STAT5B: variants seen among roughly 807,000 people sequenced by gnomAD.
The protein encoded by STAT5B is signal transducer and activator of transcription 5B.
STAT5B carries 21 observed loss-of-function variants against 107.8 expected under a neutral mutation model. The observed-to-expected ratio is 0.19, with a 90% CI of 0.14 to 0.28. STAT5B has a LOEUF of 0.28. Ranked by LOEUF, STAT5B falls within the 10% of genes least tolerant of loss-of-function variation. The pLI is 1.00. For missense variants in STAT5B, 565 were observed against 1,008.2 expected, an observed-to-expected ratio of 0.56 and a Z score of 5.95; for synonymous variants, 325 against 401.7, an observed-to-expected ratio of 0.81 and a Z score of 2.28.
At chr17:42,202,510 G>A (rs1242758308) in intron 17 of STAT5B, 63 bp from the exon 18 acceptor site, 9 of 1,562,550 alleles carry the variant, frequency 5.8e-6, no homozygotes, top group Non-Finnish European at 7.9e-6. Context: ...ACTTGGGGAG[G>A]GGACCAAGGG....
In STAT5B at chr17:42,217,210, A is replaced by C; in HGVS notation, c.1330T>G (p.Phe444Val). The C allele has an allele frequency of 6.2e-7, 1 of 1,614,202 alleles. No individual in the cohort carries two copies. Among genetic ancestry groups the C allele is most frequent in the Non-Finnish European group, 8.5e-7 (1 of 1,180,030 alleles). Residue 444 changes from phenylalanine (F) to valine (V), a missense_variant, in exon 11 of 19, where the codon TTT (phenylalanine) becomes GTT (valine). Physicochemically the swap from Phe to Val is conservative, Grantham distance 50. Coordinates refer to ENST00000293328, the MANE Select transcript of STAT5B (RefSeq NM_012448.4). ...SVTEEKFTILFESQFSVGGNE... is the reference protein window; with the variant it reads ...SVTEEKFTILVESQFSVGGNE... ...CCACCAACACTGAACTGGGATTCAAACAGGATTGTAAATTTTTCTTCTGTC... is the reference window on the plus strand; with the variant it reads ...CCACCAACACTGAACTGGGATTCAACCAGGATTGTAAATTTTTCTTCTGTC...
At chr17:42,259,866 GTTTTAT>G (rs1489207815) in intron 1 of STAT5B, among the ~76,000 whole-genome samples, 1 of 152,044 alleles carries the variant, frequency 6.6e-6, no homozygotes, top group Non-Finnish European at 1.5e-5. Context: ...TATTTGTTTT[GTTTTAT>G]TTTAAGTTCC....
intron 1 of STAT5B, among the ~76,000 whole-genome samples, chr17:42,260,320 T>C (rs1204814293): frequency 6.6e-6 from 1 of 152,172 alleles, no homozygotes; most frequent in Admixed American, 6.6e-5. Context: ...AATTGAGAGA[T>C]TTTATAACTG....
At chr17:42,266,463 GTAA>G (rs1229766656) in intron 1 of STAT5B, among the ~76,000 whole-genome samples, 1 of 151,132 alleles carries the variant, frequency 6.6e-6, no homozygotes. Context: ...TGTGTCTAAA[GTAA>G]TACGTTTTCT....
At chr17:42,212,864 C>A (rs977412654) in intron 12 of STAT5B, among the ~76,000 whole-genome samples, 2 of 152,240 alleles carry the variant, frequency 1.3e-5, no homozygotes, top group Non-Finnish European at 2.9e-5. Flanking sequence ...AAGTCACTCC[C>A]TATCCCTGTC....
chr17:42,270,365 C>G (rs1249673046), intron 1 of STAT5B, among the ~76,000 whole-genome samples: 4 of 152,134 alleles, frequency 2.6e-5, no homozygotes, highest in Non-Finnish European at 5.9e-5. Flanking sequence ...TTGTTGAGTT[C>G]TCAGTACAGA....
upstream of STAT5B, among the ~76,000 whole-genome samples, chr17:42,278,561 G>T (rs573198911): frequency 6.6e-6 from 1 of 152,012 alleles, no homozygotes; most frequent in Non-Finnish European, 1.5e-5. Context: ...ACAGAAAAAG[G>T]TCTCATGGTG....
In STAT5B at chr17:42,201,809, C is replaced by T. The variant is rs780699949; in HGVS notation, c.2293G>A (p.Val765Ile). Residue 765 changes from valine to isoleucine, a missense_variant, in exon 19 of 19, where the codon GTA becomes ATA. Coordinates refer to ENST00000293328, the MANE Select transcript of STAT5B (RefSeq NM_012448.4). ...AGGAGCTCCTCCACACGCCGCGCTA[C>T]GTCCATTGTGTCCTCCAGATCGAAG... The part of the protein sequence containing the change: ...GDFDLEDTMD[V>I]ARRVEELLGR... 7.4e-6 allele frequency: 12 copies of T among 1,614,100 alleles called. No homozygotes were observed. Among genetic ancestry groups the T allele is most frequent in the African/African-American group, 1.3e-5 (1 of 75,032 alleles).
rs748357500 is a variant in STAT5B at position 42,215,998 on chromosome 17, C to G, written c.1473+16G>C. 2.5e-6 allele frequency: 4 copies of G among 1,613,190 alleles called. No individual in the cohort carries two copies. In the East Asian group the frequency reaches 6.7e-5, roughly 27 times the overall value. ...GCATTGATTTTGGGACCCACATGCC[C>G]GAGGAATACACTCACAGGCTCTGCA... On this transcript the variant is annotated intron_variant, in intron 12 of 18. Transcript: ENST00000293328.
intron 1 of STAT5B, among the ~76,000 whole-genome samples, chr17:42,264,087 G>T (rs2080644988): frequency 6.6e-6 from 1 of 151,932 alleles, no homozygotes; most frequent in Non-Finnish European, 1.5e-5. Flanking sequence ...TATTCTATTG[G>T]ACAGCTATAC....
chr17:42,230,419 G>T (rs2080308232), intron 2 of STAT5B, among the ~76,000 whole-genome samples: 1 of 152,116 alleles, frequency 6.6e-6, no homozygotes, highest in South Asian at 2.1e-4. Context: ...TAACCAACCA[G>T]CAACCTCCCA....
At chr17:42,220,393 G>C (rs2080214780) in intron 5 of STAT5B, among the ~76,000 whole-genome samples, 1 of 152,142 alleles carries the variant, frequency 6.6e-6, no homozygotes, top group Non-Finnish European at 1.5e-5. Context: ...TTGGTTAACG[G>C]GGAACAGGAC....
At position 42,200,323 on chromosome 17, in the gene STAT5B, GAC is replaced by G. The variant is rs2080034000; in HGVS notation, c.*1413_*1414del. The G allele has an allele frequency of 2.0e-5, 3 of 152,748 alleles. No homozygotes were observed. The South Asian group carries it at 6.2e-4, about 32-fold the overall frequency. 9.5% of individuals were successfully genotyped at this position (152,748 alleles called of 1,614,324 possible). Reference sequence around the variant, plus strand: ...TCTTTTGGAGAGGGGGCCGAGGGGTGACCTTTTAGGCCTTACCCGTAAGCTAT... The same window carrying G: ...TCTTTTGGAGAGGGGGCCGAGGGGTGCTTTTAGGCCTTACCCGTAAGCTAT... On this transcript the variant is annotated 3_prime_UTR_variant, in exon 19 of 19. Transcript: ENST00000293328.
intron 1 of STAT5B, among the ~76,000 whole-genome samples, chr17:42,258,422 T>C (rs1371550646): frequency 6.6e-6 from 1 of 152,228 alleles, no homozygotes; most frequent in Non-Finnish European, 1.5e-5. Flanking sequence ...CTTATGCCTG[T>C]AATCCCAGCA....
intron 12 of STAT5B, among the ~76,000 whole-genome samples, chr17:42,214,980 A>C (rs962770018): frequency 1.3e-5 from 2 of 152,120 alleles, no homozygotes; most frequent in East Asian, 1.9e-4. Context: ...CTGGAGCTCA[A>C]GGGATCTGCC....
rs16967574 is a variant in STAT5B, at chr17:42,207,461, A to G, written c.2077+97T>C. 3,310 of 1,489,606 alleles carry G rather than the reference A, an allele frequency of 2.2e-3. 66 individuals carry two copies. The African/African-American group carries it at 0.041, about 19-fold the overall frequency. The allele number at this position is 1,489,606 out of a possible 1,614,324, so 92.3% of individuals were successfully genotyped here. ...GAATGGTAATTGTGTGGGTTTTCAC[A>G]CAAGAGAGATAACACACGCAGGTAT... is the stretch of plus-strand genomic sequence containing the variant. On this transcript the variant is annotated intron_variant, in intron 16 of 18. Coordinates refer to ENST00000293328, the MANE Select transcript of STAT5B (RefSeq NM_012448.4).
chr17:42,250,036 T>C (rs2080485165), intron 1 of STAT5B, among the ~76,000 whole-genome samples: 1 of 152,150 alleles, frequency 6.6e-6, no homozygotes, highest in Non-Finnish European at 1.5e-5. Context: ...GGAGCAAAAT[T>C]AGACCCTTTT....
At chr17:42,248,688 AG>A (rs570062813) in intron 1 of STAT5B, among the ~76,000 whole-genome samples, 114 of 152,318 alleles carry the variant, frequency 7.5e-4, no homozygotes, top group Non-Finnish European at 1.2e-3. Context: ...TTATGCTGCA[AG>A]GCATCAGCCA....
At position 42,265,377 on chromosome 17, in the gene STAT5B, C is replaced by CTTTTTTTTTTTTTTTTTTTTTT. The variant is rs371149930; in HGVS notation, c.-11+10870_-11+10871insAAAAAAAAAAAAAAAAAAAAAA. ...GCTAAGTCAAAGGGTATGTACTCTT[C>CTTTTTTTTTTTTTTTTTTTTTT]TTTTTTTTTTTTGAGACGAAGTCTC... On this transcript the variant is annotated intron_variant, in intron 1 of 18. Coordinates refer to ENST00000293328, the MANE Select transcript of STAT5B (RefSeq NM_012448.4). Among the ~76,000 whole-genome samples, 229 of 110,526 alleles carry CTTTTTTTTTTTTTTTTTTTTTT rather than the reference C, an allele frequency of 2.1e-3. 37 individuals are homozygous for CTTTTTTTTTTTTTTTTTTTTTT. The highest frequency in any genetic ancestry group is 7.6e-3 in the African/African-American group (210 of 27,652). 72.5% of individuals were successfully genotyped at this position (110,526 alleles called of 152,430 possible).
Sources: gnomAD v4.1 joint callset for allele counts (sites outside exome capture counted in the v4.1 genomes callset) on GRCh38, gnomAD v4.1.1 for gene constraint, MANE v1.5 for transcripts, NCBI Gene and HGNC (gene_info 2026-07-23, HGNC 2026-07-21) for gene names.